Variants in C8orf34 observed in about 807,000 individuals in gnomAD.
C8orf34 encodes the protein chromosome 8 open reading frame 34, also known as uncharacterized protein C8orf34.
C8orf34 carries 65 observed loss-of-function variants against 68.3 expected under a neutral mutation model. That is an observed-to-expected ratio of 0.95 (90% CI 0.78 to 1.17). C8orf34 has a LOEUF of 1.17. C8orf34 is among the 50% of genes most tolerant of loss of function. The pLI is 0.00. For missense variants in C8orf34, 664 were observed against 655.4 expected (o/e 1.01, Z -0.14); for synonymous variants, 244 against 241.2 (o/e 1.01, Z -0.11).
chr8:68,525,173 T>A (rs1814922643), intron 6 of C8orf34, among the ~76,000 whole-genome samples: 1 of 152,156 alleles, frequency 6.6e-6, no homozygotes, highest in Non-Finnish European at 1.5e-5. Flanking sequence ...CCCTTCCTCT[T>A]AGAATTTTTT....
At chr8:68,435,888 T>A (rs1396885756) in intron 1 of C8orf34, among the ~76,000 whole-genome samples, 1 of 152,160 alleles carries the variant, frequency 6.6e-6, no homozygotes, top group Admixed American at 6.5e-5. Flanking sequence ...AATATGAATG[T>A]TAAAGTAGGA....
At chr8:68,612,203 T>C (rs1818043804) in intron 7 of C8orf34, among the ~76,000 whole-genome samples, 1 of 152,030 alleles carries the variant, frequency 6.6e-6, no homozygotes. Flanking sequence ...TCACTAACAT[T>C]TATGGGCTGC....
At chr8:68,604,066 G>A (rs1447736809) in intron 7 of C8orf34, among the ~76,000 whole-genome samples, 2 of 152,084 alleles carry the variant, frequency 1.3e-5, no homozygotes, top group Non-Finnish European at 2.9e-5. Context: ...AAACACCATG[G>A]AAATTCAAAT....
intron 12 of C8orf34, among the ~76,000 whole-genome samples, chr8:68,796,766 A>G (rs1382948509): frequency 1.3e-5 from 2 of 151,992 alleles, no homozygotes; most frequent in Admixed American, 1.3e-4. Context: ...TCCTGTGGCA[A>G]TGAGATCTGC....
chr8:68,437,857 C>A (rs752442352), intron 1 of C8orf34: 1 of 152,216 alleles, frequency 6.6e-6, no homozygotes, highest in Non-Finnish European at 1.5e-5. Flanking sequence ...AATATTTAAT[C>A]CATGACTCTA....
intron 7 of C8orf34, among the ~76,000 whole-genome samples, chr8:68,619,528 C>A (rs1052393644): frequency 9.9e-5 from 15 of 152,076 alleles, no homozygotes; most frequent in African/African-American, 3.4e-4. Context: ...AATTTTGAAT[C>A]ATGTTTTAAT....
chr8:68,498,401 C>G (rs548272724), intron 5 of C8orf34, among the ~76,000 whole-genome samples: 1 of 152,174 alleles, frequency 6.6e-6, no homozygotes, highest in Admixed American at 6.5e-5. Context: ...CAAAATGAAA[C>G]AAGTGAGCAC....
intron 10 of C8orf34, among the ~76,000 whole-genome samples, chr8:68,746,240 G>A (rs532190081): frequency 2.6e-4 from 39 of 151,306 alleles, no homozygotes; most frequent in African/African-American, 3.2e-4. Context: ...AAAGCAGTGT[G>A]TAGAGGGAAA....
intron 8 of C8orf34, among the ~76,000 whole-genome samples, chr8:68,685,797 G>A (rs1820498063): frequency 6.6e-6 from 1 of 151,748 alleles, no homozygotes; most frequent in South Asian, 2.1e-4. Context: ...GATAAACTGA[G>A]CCTGGGGAGG....
At position 68,632,603 on chromosome 8, in the gene C8orf34, C is replaced by G. The variant is rs147810339; in HGVS notation, c.1106-7773C>G. On this transcript the variant is annotated intron_variant, in intron 7 of 13. Transcript: ENST00000518698. Reference sequence around the variant, plus strand: ...AGTACCTCCAGGGCATGTCAGAGATCTTCACAGCAGCCCCTCCCATCGCAA... The same window carrying G: ...AGTACCTCCAGGGCATGTCAGAGATGTTCACAGCAGCCCCTCCCATCGCAA... Among the ~76,000 whole-genome samples, 890 of 152,262 alleles carry G rather than the reference C, an allele frequency of 5.8e-3. 6 individuals are homozygous for G. The highest frequency in any genetic ancestry group is 0.021 in the African/African-American group (854 of 41,538).
At chr8:68,674,596 C>A (rs759320857) in intron 8 of C8orf34, among the ~76,000 whole-genome samples, 3 of 151,286 alleles carry the variant, frequency 2.0e-5, no homozygotes, top group African/African-American at 7.3e-5. Flanking sequence ...TTTGAAAATA[C>A]GCGGTCAGAG....
intron 10 of C8orf34, among the ~76,000 whole-genome samples, chr8:68,775,603 T>C (rs1255186558): frequency 1.3e-5 from 2 of 152,208 alleles, no homozygotes; most frequent in Non-Finnish European, 2.9e-5. Context: ...AAAGTCTGGA[T>C]ATAAAGGTTA....
chr8:68,435,155 A>G (rs1325402973), intron 1 of C8orf34, among the ~76,000 whole-genome samples: 1 of 149,190 alleles, frequency 6.7e-6, no homozygotes, highest in Non-Finnish European at 1.5e-5. Context: ...ATTGATAAAT[A>G]TTGTAATCAT....
chr8:68,752,685 G>A (rs1203252379), intron 10 of C8orf34, among the ~76,000 whole-genome samples: 3 of 152,136 alleles, frequency 2.0e-5, no homozygotes, highest in Non-Finnish European at 4.4e-5. Flanking sequence ...GATGCGCAGT[G>A]GAAGTACTGG....
At chr8:68,726,232 C>T (rs1033460368) in intron 10 of C8orf34, among the ~76,000 whole-genome samples, 6 of 152,018 alleles carry the variant, frequency 3.9e-5, no homozygotes, top group South Asian at 2.1e-4. Context: ...TAGAATTATT[C>T]GCCAGATTAA....
intron 7 of C8orf34, among the ~76,000 whole-genome samples, chr8:68,547,141 G>A (rs561840900): frequency 6.6e-6 from 1 of 151,784 alleles, no homozygotes; most frequent in African/African-American, 2.4e-5. Flanking sequence ...TAGTAGTACT[G>A]GCAAAGAAAA....
At chr8:68,805,866 TTACTTTA>T (rs1208731535) in intron 12 of C8orf34, among the ~76,000 whole-genome samples, 1 of 152,154 alleles carries the variant, frequency 6.6e-6, no homozygotes, top group Non-Finnish European at 1.5e-5. Context: ...TATTACCAAC[TTACTTTA>T]TACTTTATAT....
At chr8:68,440,874 T>G (rs971396188) in intron 2 of C8orf34, among the ~76,000 whole-genome samples, 20 of 151,710 alleles carry the variant, frequency 1.3e-4, no homozygotes, top group African/African-American at 2.9e-4. Flanking sequence ...GCCTGATCTC[T>G]GCTCACTGCA....
intron 3 of C8orf34, among the ~76,000 whole-genome samples, chr8:68,450,593 C>T (rs1319973951): frequency 1.3e-5 from 2 of 152,090 alleles, no homozygotes; most frequent in Admixed American, 6.6e-5. Flanking sequence ...TATTAATCTC[C>T]TTGTACATTG....
Sources: gnomAD v4.1 joint callset for allele counts (sites outside exome capture counted in the v4.1 genomes callset) on GRCh38, gnomAD v4.1.1 for gene constraint, MANE v1.5 for transcripts, NCBI Gene and HGNC (gene_info 2026-07-23, HGNC 2026-07-21) for gene names.